Variants in DNMT1 observed in about 807,000 individuals in gnomAD.
DNMT1 encodes the protein DNA methyltransferase 1, also known as DNA (cytosine-5)-methyltransferase 1.
DNMT1 carries 24 observed loss-of-function variants against 205.3 expected under a neutral mutation model. That is an observed-to-expected ratio of 0.12 (90% CI 0.08 to 0.16). The LOEUF (loss-of-function observed/expected upper bound fraction) is 0.16. Among genes scored for constraint, DNMT1 ranks in the 10% least tolerant of loss-of-function variants. DNMT1 has a pLI of 1.00. For synonymous variants in DNMT1, 817 were observed against 839.8 expected (o/e 0.97, Z 0.47); for missense variants, 1,293 against 2,177.7 (o/e 0.59, Z 8.09).
At chr19:10,158,968 G>A (rs901335377) in intron 17 of DNMT1, among the ~76,000 whole-genome samples, 6 of 152,050 alleles carry the variant, frequency 3.9e-5, no homozygotes, top group African/African-American at 1.5e-4. Flanking sequence ...CTCTCTGCAT[G>A]TCACCAGGCT....
intron 1 of DNMT1, among the ~76,000 whole-genome samples, chr19:10,193,421 G>A (rs914971258): frequency 6.6e-6 from 1 of 151,510 alleles, no homozygotes; most frequent in Non-Finnish European, 1.5e-5. Flanking sequence ...GTGCAATAGC[G>A]CGATCTCAGC....
At chr19:10,141,975 C>CT in intron 30 of DNMT1, 53 bp downstream of exon 30, 1 of 1,603,452 alleles carries the variant, frequency 6.2e-7, no homozygotes. Flanking sequence ...CATCAGACTC[C>CT]TTCTGGCCAA....
intron 24 of DNMT1, 23 bp from the exon 25 acceptor site, chr19:10,149,991 A>C: frequency 5.9e-5 from 95 of 1,603,186 alleles, no homozygotes; most frequent in Middle Eastern, 1.7e-4. Flanking sequence ...GCATAAGTTC[A>C]TGGAGGATCA....
At chr19:10,166,528 C>A in intron 11 of DNMT1, 70 bp downstream of exon 11, 1 of 1,586,552 alleles carries the variant, frequency 6.3e-7, no homozygotes, top group South Asian at 1.1e-5. Context: ...CCCCACCCTG[C>A]GCACTCCCGC....
intron 10 of DNMT1, among the ~76,000 whole-genome samples, 160 bp from the exon 11 acceptor site, chr19:10,166,845 T>G (rs956523043): frequency 6.6e-6 from 1 of 152,164 alleles, no homozygotes; most frequent in Non-Finnish European, 1.5e-5. Context: ...CATTTACTAC[T>G]CCAGGACTCA....
At chr19:10,170,060 G>A (rs2038781502) in intron 9 of DNMT1, among the ~76,000 whole-genome samples, 2 of 152,146 alleles carry the variant, frequency 1.3e-5, no homozygotes, top group South Asian at 4.1e-4. Flanking sequence ...TGAGGTGGGT[G>A]GATCACCTGA....
rs2038464634 is a variant in DNMT1 at position 10,156,731 on chromosome 19, C to G, written c.1281-222G>C. Among the ~76,000 whole-genome samples, 1 of 152,150 alleles carries G rather than the reference C, an allele frequency of 6.6e-6. No individual in the cohort carries two copies. The stretch of plus-strand genomic sequence containing the variant: ...CTCCCGGGTTCAAGTAATTCTCCTG[C>G]CTCAGCCTCCCGAGTAGCTGGGATT... On this transcript the variant is annotated intron_variant, in intron 17 of 40. Coordinates refer to ENST00000359526, the MANE Select transcript of DNMT1 (RefSeq NM_001130823.3). This position sits in a 1 kb window ranked among gnomAD's most constrained non-coding sequence, Gnocchi z 4.2.
intron 27 of DNMT1, among the ~76,000 whole-genome samples, chr19:10,148,470 T>C (rs1444044512): frequency 2.2e-5 from 3 of 135,148 alleles, no homozygotes; most frequent in Non-Finnish European, 3.1e-5. Context: ...CACTCCAGCC[T>C]GGGCAACAGA....
At chr19:10,187,124 ACACTTATC>A (rs1461898004) in intron 1 of DNMT1, among the ~76,000 whole-genome samples, 1 of 151,934 alleles carries the variant, frequency 6.6e-6, no homozygotes, top group African/African-American at 2.4e-5. Context: ...CAAAAGCATC[ACACTTATC>A]CATCTTGTTC....
At chr19:10,157,355 A>T (rs2038479786) in intron 17 of DNMT1, among the ~76,000 whole-genome samples, 1 of 152,198 alleles carries the variant, frequency 6.6e-6, no homozygotes, top group Non-Finnish European at 1.5e-5. Flanking sequence ...GTGAAAAGGG[A>T]TGTGGGAAGG....
rs1410433396 is a variant in DNMT1 at position 10,156,303 on chromosome 19, C to T, written c.1399+88G>A. On this transcript the variant is annotated intron_variant, in intron 18 of 40. Coordinates refer to ENST00000359526, the MANE Select transcript of DNMT1 (RefSeq NM_001130823.3). This position sits in a 1 kb window ranked among gnomAD's most constrained non-coding sequence, Gnocchi z 4.2. The stretch of plus-strand genomic sequence containing the variant: ...CTCAAGTGATCCTCTGGCCTCAGAC[C>T]CCCAAAGTGCTAGGATTACAGATGT... 1.9e-6 allele frequency: 2 copies of T among 1,072,238 alleles called. No individual in the cohort carries two copies. Among genetic ancestry groups the T allele is most frequent in the African/African-American group, 1.6e-5 (1 of 64,226 alleles). The allele number at this position is 1,072,238 out of a possible 1,614,324, so 66.4% of individuals were successfully genotyped here.
intron 1 of DNMT1, among the ~76,000 whole-genome samples, chr19:10,193,239 G>A (rs2039335299): frequency 6.6e-6 from 1 of 151,910 alleles, no homozygotes; most frequent in African/African-American, 2.4e-5. Context: ...GGGCGCCTGT[G>A]GTCCCAGCTA....
intron 37 of DNMT1, 90 bp downstream of exon 37, chr19:10,136,995 T>G (rs1318484245): frequency 6.6e-7 from 1 of 1,523,578 alleles, no homozygotes; most frequent in African/African-American, 1.4e-5. Flanking sequence ...GTCTGTGCCC[T>G]GCCCTGGCCT....
At position 10,180,896 on chromosome 19, in the gene DNMT1, G is replaced by T. The variant is rs1568254619; in HGVS notation, c.118-11C>A. 2 of 1,612,040 alleles carry T rather than the reference G, an allele frequency of 1.2e-6. No homozygotes were observed. The highest frequency in any genetic ancestry group is 1.7e-6 in the Non-Finnish European group (2 of 1,178,196). On this transcript the variant is annotated splice_polypyrimidine_tract_variant and intron_variant, in intron 2 of 40. Transcript: ENST00000359526. ...CTCCTTCACACATTCCTAAGGGAAG[G>T]ATATAGGTTTAGCAGTACCCACATT...
rs1392620786 is a variant in DNMT1, at chr19:10,136,301, C to T, written c.4490-14G>A. On this transcript the variant is annotated splice_polypyrimidine_tract_variant and intron_variant, in intron 37 of 40. Coordinates refer to ENST00000359526, the MANE Select transcript of DNMT1 (RefSeq NM_001130823.3). ...AGGCTTTGCCGGCTGGAAGACAGGA[C>T]AGTGATGAGGCTGCAGTTGTGGGAT... 1 of 1,613,454 alleles carries T rather than the reference C, an allele frequency of 6.2e-7. No homozygotes were observed. The highest frequency in any genetic ancestry group is 8.5e-7 in the Non-Finnish European group (1 of 1,179,986).
rs1311330874 is a variant in DNMT1 at position 10,159,202 on chromosome 19, T to C, written c.1280+456A>G. ...AAACCAAAAATCAGCAAAGCTCTATTGTCCCTTCATCAGCTTTCCACGTGG... is the reference window on the plus strand; with the variant it reads ...AAACCAAAAATCAGCAAAGCTCTATCGTCCCTTCATCAGCTTTCCACGTGG... On this transcript the variant is annotated intron_variant, in intron 17 of 40. Transcript: ENST00000359526. This position sits in a 1 kb window ranked among gnomAD's most constrained non-coding sequence, Gnocchi z 5.0. Among the ~76,000 whole-genome samples the C allele has an allele frequency of 6.6e-6, 1 of 152,162 alleles. No homozygotes were observed. The highest frequency in any genetic ancestry group is 1.5e-5 in the Non-Finnish European group (1 of 68,026).
In DNMT1 at chr19:10,146,124, C is replaced by T. The variant is rs2038194763; in HGVS notation, c.2894+227G>A. Among the ~76,000 whole-genome samples, 1 of 152,210 alleles carries T rather than the reference C, an allele frequency of 6.6e-6. No individual in the cohort carries two copies. Among genetic ancestry groups the T allele is most frequent in the African/African-American group, 2.4e-5 (1 of 41,464 alleles). Reference sequence around the variant, plus strand: ...GGGATTACAGGCGTGAGAAACCACACCCAGCCAAACCAGCGAGTTGACTTT... The same window carrying T: ...GGGATTACAGGCGTGAGAAACCACATCCAGCCAAACCAGCGAGTTGACTTT... On this transcript the variant is annotated intron_variant, in intron 28 of 40. Coordinates refer to ENST00000359526, the MANE Select transcript of DNMT1 (RefSeq NM_001130823.3). The surrounding 1 kb of genome is among the most constrained non-coding windows in gnomAD (Gnocchi z 4.4).
chr19:10,152,797 CTT>C (rs2038377250), intron 22 of DNMT1, among the ~76,000 whole-genome samples: 1 of 151,734 alleles, frequency 6.6e-6, no homozygotes, highest in Non-Finnish European at 1.5e-5. Context: ...AAAACCAAGA[CTT>C]TTAAAAATGT....
intron 22 of DNMT1, among the ~76,000 whole-genome samples, chr19:10,153,193 G>T (rs897555816): frequency 6.6e-6 from 1 of 152,166 alleles, no homozygotes; most frequent in African/African-American, 2.4e-5. Context: ...TTTGCTCAAG[G>T]ATGCTGCCAC....
Sources: gnomAD v4.1 joint callset for allele counts (sites outside exome capture counted in the v4.1 genomes callset) on GRCh38, gnomAD v4.1.1 for gene constraint, Gnocchi (gnomAD v3.1) non-coding constraint, MANE v1.5 for transcripts, NCBI Gene and HGNC (gene_info 2026-07-23, HGNC 2026-07-21) for gene names.